Variants in GALK2 observed in about 807,000 individuals in gnomAD.
The protein encoded by GALK2 is N-acetylgalactosamine kinase.
A neutral mutation model predicts 52.4 loss-of-function variants in GALK2; 36 were observed. The ratio of observed to expected loss-of-function variants is 0.69; its 90% CI spans 0.53 to 0.91. The LOEUF (loss-of-function observed/expected upper bound fraction) is 0.91. Among genes scored for constraint, GALK2 ranks in the 40% least tolerant of loss-of-function variants. The probability of loss-of-function intolerance (pLI) is 0.00; values close to 1 mark genes in which losing one functional copy is unlikely to be tolerated. For synonymous variants in GALK2, 176 were observed against 199.1 expected, an observed-to-expected ratio of 0.88 and a Z score of 0.98; for missense variants, 579 against 559.1, an observed-to-expected ratio of 1.04 and a Z score of -0.36.
At chr15:49,332,652 CTATT>C (rs2039008426), downstream of GALK2, among the ~76,000 whole-genome samples, 1 of 152,154 alleles carries the variant, frequency 6.6e-6, no homozygotes, top group Non-Finnish European at 1.5e-5. Context: ...ATATATAAGA[CTATT>C]AATTTCACTG....
intron 5 of GALK2, among the ~76,000 whole-genome samples, chr15:49,279,012 C>G (rs370080151): frequency 6.6e-6 from 1 of 152,146 alleles, no homozygotes; most frequent in South Asian, 2.1e-4. Context: ...TCAGATCTCC[C>G]GAGACTCACT....
chr15:49,267,909 C>T (rs1424600912), intron 5 of GALK2, among the ~76,000 whole-genome samples: 2 of 152,006 alleles, frequency 1.3e-5, no homozygotes, highest in African/African-American at 2.4e-5. Context: ...TGTTATAAAA[C>T]TCTGAATGAA....
intron 3 of GALK2, among the ~76,000 whole-genome samples, chr15:49,345,638 C>T (rs1021836400): frequency 2.0e-5 from 3 of 152,036 alleles, no homozygotes; most frequent in Non-Finnish European, 4.4e-5. Context: ...CTTTATATTC[C>T]CATGCACTGC....
downstream of GALK2, among the ~76,000 whole-genome samples, chr15:49,332,304 G>A (rs1349901301): frequency 6.6e-6 from 1 of 152,214 alleles, no homozygotes; most frequent in East Asian, 1.9e-4. Flanking sequence ...TTTAAGGAGT[G>A]ACAGTGGGGA....
At chr15:49,219,364 G>T (rs922279525) in intron 3 of GALK2, among the ~76,000 whole-genome samples, 1 of 152,156 alleles carries the variant, frequency 6.6e-6, no homozygotes, top group Admixed American at 6.5e-5. Flanking sequence ...GATATAAGAC[G>T]TGACTTGCTC....
At chr15:49,197,268 T>A (rs1358076978) in intron 1 of GALK2, among the ~76,000 whole-genome samples, 2 of 152,266 alleles carry the variant, frequency 1.3e-5, no homozygotes, top group Non-Finnish European at 2.9e-5. Context: ...ATGTGTCTAG[T>A]ATTCAGCATA....
intron 5 of GALK2, among the ~76,000 whole-genome samples, chr15:49,281,690 A>G (rs2032718817): frequency 6.6e-6 from 1 of 152,232 alleles, no homozygotes; most frequent in South Asian, 2.1e-4. Context: ...CTAGGGAAGG[A>G]TAGAGTAAAT....
intron 1 of GALK2, chr15:49,156,740 C>T: frequency 1.8e-6 from 1 of 553,896 alleles, no homozygotes; most frequent in South Asian, 1.5e-5. Flanking sequence ...GAAAATAGCG[C>T]AAGAATATCA....
At chr15:49,260,393 G>A (rs1481899259) in intron 5 of GALK2, among the ~76,000 whole-genome samples, 49 of 150,772 alleles carry the variant, frequency 3.2e-4, no homozygotes, top group African/African-American at 1.0e-3. Context: ...CATGTCCTTC[G>A]CCCACTTTTT....
At chr15:49,274,020 C>T (rs1309367503) in intron 5 of GALK2, among the ~76,000 whole-genome samples, 1 of 152,122 alleles carries the variant, frequency 6.6e-6, no homozygotes, top group African/African-American at 2.4e-5. Flanking sequence ...AAGGTACCCT[C>T]GACAGGGAGA....
chr15:49,235,459 G>A (rs1340552333), intron 3 of GALK2, among the ~76,000 whole-genome samples: 1 of 152,086 alleles, frequency 6.6e-6, no homozygotes, highest in Non-Finnish European at 1.5e-5. Context: ...AATTGGATGG[G>A]TGGCAGAGAT....
At position 49,299,742 on chromosome 15, in the gene GALK2, T is replaced by TCTTTCTTTCTTTC. The variant is rs2034853976; in HGVS notation, c.967+7206_967+7218dup. Among the ~76,000 whole-genome samples, 54 of 107,326 alleles carry TCTTTCTTTCTTTC rather than the reference T, an allele frequency of 5.0e-4. 2 individuals are homozygous for TCTTTCTTTCTTTC. Among genetic ancestry groups the TCTTTCTTTCTTTC allele is most frequent in the African/African-American group, 1.7e-3 (50 of 29,506 alleles). 70.4% of individuals were successfully genotyped at this position (107,326 alleles called of 152,430 possible). A position where few individuals can be genotyped will look rare whatever the true frequency, so the allele number is the denominator to read the frequency against. ...TCTTTCTTTCTTTCTTTCTTTTCTT[T>TCTTTCTTTCTTTC]CTTTCTTTCTTTCTTTCTTTCTTTC... On this transcript the variant is annotated intron_variant, in intron 8 of 9. Transcript: ENST00000560031.
At chr15:49,293,898 G>A (rs545623835) in intron 8 of GALK2, among the ~76,000 whole-genome samples, 249 of 151,960 alleles carry the variant, frequency 1.6e-3, no homozygotes, top group African/African-American at 5.4e-3. Context: ...CCAGGAGTTC[G>A]AGACCAGCCT....
At chr15:49,216,410 G>A (rs928017311) in intron 2 of GALK2, among the ~76,000 whole-genome samples, 1 of 152,168 alleles carries the variant, frequency 6.6e-6, no homozygotes, top group African/African-American at 2.4e-5. Context: ...ACAGTCTTCT[G>A]TACTCTTCCC....
Position 49,330,075 on chromosome 15 carries a change from G to T in GALK2, c.*1916G>T, listed in dbSNP as rs1013975128. ...ACTTACCTGGAAGGGATAGGGCCGG[G>T]GCCATTAGAAAAAAGATCATGCAGT... is the stretch of plus-strand genomic sequence containing the variant. On this transcript the variant is annotated 3_prime_UTR_variant, in exon 10 of 10. Transcript: ENST00000560031. 1 of 152,178 alleles carries T rather than the reference G, an allele frequency of 6.6e-6. No individual in the cohort carries two copies. Among genetic ancestry groups the T allele is most frequent in the African/African-American group, 2.4e-5 (1 of 41,410 alleles). 9.4% of individuals were successfully genotyped at this position (152,178 alleles called of 1,614,324 possible). A position where few individuals can be genotyped will look rare whatever the true frequency, so the allele number is the denominator to read the frequency against.
chr15:49,176,192 T>G (rs571434212), intron 1 of GALK2, among the ~76,000 whole-genome samples: 1 of 152,406 alleles, frequency 6.6e-6, no homozygotes, highest in Non-Finnish European at 1.5e-5. Flanking sequence ...GGCAATCATT[T>G]AAAGACCTTT....
intron 5 of GALK2, among the ~76,000 whole-genome samples, chr15:49,274,730 T>C (rs1218377168): frequency 6.6e-6 from 1 of 152,220 alleles, no homozygotes; most frequent in East Asian, 1.9e-4. Flanking sequence ...ATCCTTATTC[T>C]GTGAGCTCTT....
Position 49,328,988 on chromosome 15 carries a change from C to A in GALK2, c.*829C>A, listed in dbSNP as rs969553421. The stretch of plus-strand genomic sequence containing the variant: ...TATCTAGATGATAATTCAGATAATT[C>A]AGTTTGTTCATAGAATTACTTTCTT... On this transcript the variant is annotated 3_prime_UTR_variant, in exon 10 of 10. Coordinates refer to ENST00000560031, the MANE Select transcript of GALK2 (RefSeq NM_002044.4). 200 of 1,037,456 alleles carry A rather than the reference C, an allele frequency of 1.9e-4. No individual in the cohort carries two copies. The highest frequency in any genetic ancestry group is 2.2e-4 in the Non-Finnish European group (193 of 859,710). 64.3% of individuals were successfully genotyped at this position (1,037,456 alleles called of 1,614,324 possible). A position where few individuals can be genotyped will look rare whatever the true frequency, so the allele number is the denominator to read the frequency against.
At chr15:49,339,968 C>T (rs569396173) in intron 3 of GALK2, among the ~76,000 whole-genome samples, 4 of 152,174 alleles carry the variant, frequency 2.6e-5, no homozygotes, top group Admixed American at 6.5e-5. Context: ...ACCCCTCCCC[C>T]CACCAAGCTT....
Sources: allele counts gnomAD v4.1 joint callset (sites outside exome capture counted in the v4.1 genomes callset), GRCh38; gene constraint gnomAD v4.1.1; transcripts MANE v1.5; gene names NCBI Gene and HGNC (gene_info 2026-07-23, HGNC 2026-07-21).